FMNL2: variants seen among roughly 807,000 people sequenced by gnomAD.
FMNL2 encodes formin like 2.
FMNL2 carries 51 observed loss-of-function variants against 130.2 expected under a neutral mutation model. That is an observed-to-expected ratio of 0.39 (90% confidence interval 0.31 to 0.49). FMNL2 has a LOEUF of 0.49. Among genes scored for constraint, FMNL2 ranks in the 20% least tolerant of loss-of-function variants. The pLI, the probability that FMNL2 is intolerant of heterozygous loss-of-function variation, is 0.85. For missense variants in FMNL2, 977 were observed against 1,316.2 expected (o/e 0.74, Z 3.99); for synonymous variants, 465 against 467.1 (o/e 1.00, Z 0.06).
At position 152,388,692 on chromosome 2, in the gene FMNL2, T is replaced by C. The variant is rs142910160; in HGVS notation, c.117+52972T>C. 9.2e-5 allele frequency among the ~76,000 whole-genome samples: 14 copies of C among 152,350 alleles called. No individual in the cohort carries two copies. The South Asian group carries it at 2.7e-3, about 29-fold the overall frequency. On this transcript the variant is annotated intron_variant, in intron 1 of 25. Transcript: ENST00000288670. ...AAGTGCCTAATGTCACCACAGATTC[T>C]TCTTTTAATTGGTGATTTTCTAATA...
chr2:152,617,699 C>G (rs1054040362), intron 13 of FMNL2, among the ~76,000 whole-genome samples: 4 of 152,198 alleles, frequency 2.6e-5, no homozygotes, highest in Non-Finnish European at 5.9e-5. Context: ...ATTTTATTAT[C>G]AGCTAATCCC....
chr2:152,530,313 C>T (rs1292590266), intron 2 of FMNL2, among the ~76,000 whole-genome samples: 1 of 152,104 alleles, frequency 6.6e-6, no homozygotes, highest in Non-Finnish European at 1.5e-5. Flanking sequence ...GACTATTTAA[C>T]TCATACTCTT....
At chr2:152,464,411 C>T (rs1400353390) in intron 1 of FMNL2, among the ~76,000 whole-genome samples, 1 of 152,192 alleles carries the variant, frequency 6.6e-6, no homozygotes, top group African/African-American at 2.4e-5. Flanking sequence ...TCTTGTTTGG[C>T]TTCCACTCTT....
intron 1 of FMNL2, among the ~76,000 whole-genome samples, chr2:152,467,395 A>G (rs1430400078): frequency 6.6e-6 from 1 of 152,204 alleles, no homozygotes; most frequent in Non-Finnish European, 1.5e-5. Context: ...GTATGTGCTT[A>G]CACTAGGAAT....
chr2:152,420,430 G>C (rs1270767792), intron 1 of FMNL2, among the ~76,000 whole-genome samples: 1 of 152,192 alleles, frequency 6.6e-6, no homozygotes, highest in Non-Finnish European at 1.5e-5. Flanking sequence ...CCTAGTAACT[G>C]CTTTTTGAAC....
chr2:152,424,625 G>A (rs1687099185), intron 1 of FMNL2, among the ~76,000 whole-genome samples: 1 of 151,982 alleles, frequency 6.6e-6, no homozygotes, highest in Non-Finnish European at 1.5e-5. Context: ...TCCTGACCTT[G>A]TGATTCGCCC....
intron 1 of FMNL2, among the ~76,000 whole-genome samples, chr2:152,394,978 A>G (rs553474861): frequency 6.6e-6 from 1 of 152,334 alleles, no homozygotes; most frequent in South Asian, 2.1e-4. Context: ...TCAGTTGACT[A>G]TAAAGAATAG....
intron 1 of FMNL2, among the ~76,000 whole-genome samples, chr2:152,384,685 A>G (rs1488978370): frequency 6.6e-6 from 1 of 152,132 alleles, no homozygotes; most frequent in Non-Finnish European, 1.5e-5. Flanking sequence ...GTGCGCCTTC[A>G]TCCTGGGGCA....
At chr2:152,384,869 A>G (rs1159392523) in intron 1 of FMNL2, among the ~76,000 whole-genome samples, 4 of 152,186 alleles carry the variant, frequency 2.6e-5, no homozygotes, top group Non-Finnish European at 4.4e-5. Flanking sequence ...GCTACACTCT[A>G]GATTTGGTTT....
intron 1 of FMNL2, among the ~76,000 whole-genome samples, chr2:152,340,618 A>G (rs1681742123): frequency 6.6e-6 from 1 of 152,246 alleles, no homozygotes. Flanking sequence ...GGAATAGGCA[A>G]CCTGTCAGTG....
chr2:152,470,605 CT>C (rs1244024878), intron 1 of FMNL2, among the ~76,000 whole-genome samples: 1 of 152,170 alleles, frequency 6.6e-6, no homozygotes, highest in Non-Finnish European at 1.5e-5. Flanking sequence ...CCATTTTCCT[CT>C]TATGGCCATA....
At chr2:152,501,701 G>A (rs1047243721) in intron 1 of FMNL2, among the ~76,000 whole-genome samples, 5 of 150,848 alleles carry the variant, frequency 3.3e-5, no homozygotes, top group African/African-American at 1.2e-4. Context: ...GTAAATTTGC[G>A]TGACTTTTTT....
At chr2:152,578,569 A>G (rs1200941432) in intron 7 of FMNL2, 1 of 185,310 alleles carries the variant, frequency 5.4e-6, no homozygotes, top group Non-Finnish European at 1.1e-5. Flanking sequence ...TAATCTTTTG[A>G]TAATAGCATC....
At chr2:152,460,174 A>C (rs1004873277) in intron 1 of FMNL2, among the ~76,000 whole-genome samples, 17 of 152,166 alleles carry the variant, frequency 1.1e-4, no homozygotes, top group African/African-American at 4.1e-4. Context: ...TATTATGTTC[A>C]TTTGGTGGTC....
chr2:152,618,039 G>A (rs1275354772), intron 13 of FMNL2, among the ~76,000 whole-genome samples: 1 of 152,162 alleles, frequency 6.6e-6, no homozygotes. Context: ...TGTGAAGAAT[G>A]TTTCCCTGCT....
In FMNL2 at chr2:152,546,940, C is replaced by T. The variant is rs187308286; in HGVS notation, c.283-2081C>T. Among the ~76,000 whole-genome samples, 714 of 149,200 alleles carry T rather than the reference C, an allele frequency of 4.8e-3. 4 individuals carry two copies. The highest frequency in any genetic ancestry group is 0.017 in the African/African-American group (690 of 40,278). ...AGCTGCCCATCCTGCATTACTTGCC[C>T]CCATTCTTTTTTTTTTTTTTTTTGA... On this transcript the variant is annotated intron_variant, in intron 3 of 25. Coordinates refer to ENST00000288670, the MANE Select transcript of FMNL2 (RefSeq NM_052905.4).
chr2:152,337,999 C>T (rs942782034), intron 1 of FMNL2, among the ~76,000 whole-genome samples: 2 of 149,492 alleles, frequency 1.3e-5, no homozygotes, highest in Non-Finnish European at 3.0e-5. Flanking sequence ...AATAGAAGTG[C>T]GCAGTGTTGG....
chr2:152,482,825 C>T (rs929888598), intron 1 of FMNL2, among the ~76,000 whole-genome samples: 1 of 152,114 alleles, frequency 6.6e-6, no homozygotes, highest in Non-Finnish European at 1.5e-5. Context: ...ATACTGTCCC[C>T]GGTATTACTC....
chr2:152,567,667 C>T (rs946549363), intron 6 of FMNL2, among the ~76,000 whole-genome samples: 1 of 152,202 alleles, frequency 6.6e-6, no homozygotes, highest in Non-Finnish European at 1.5e-5. Flanking sequence ...GGTTAAAGTT[C>T]TATTAGCCCA....
Sources: gnomAD v4.1 joint callset for allele counts (sites outside exome capture counted in the v4.1 genomes callset) on GRCh38, gnomAD v4.1.1 for gene constraint, MANE v1.5 for transcripts, NCBI Gene and HGNC (gene_info 2026-07-23, HGNC 2026-07-21) for gene names.